The following MPDZ variants were observed in gnomAD, a reference collection of about 807,000 sequenced individuals.
MPDZ encodes the protein multiple PDZ domain crumbs cell polarity complex component, also known as multiple PDZ domain protein.
A neutral mutation model predicts 239.1 loss-of-function variants in MPDZ; 234 were observed. The observed-to-expected ratio is 0.98, with a 90% CI of 0.88 to 1.09. MPDZ has a LOEUF of 1.09. Among genes scored for constraint, MPDZ ranks in the 50% least tolerant of loss-of-function variants. MPDZ has a pLI of 0.00. For synonymous variants in MPDZ, 1,048 were observed against 881.3 expected, an observed-to-expected ratio of 1.19 and a Z score of -3.35; for missense variants, 3,175 against 2,510.0, an observed-to-expected ratio of 1.26 and a Z score of -5.66.
intron 12 of MPDZ, among the ~76,000 whole-genome samples, chr9:13,204,550 A>C (rs891831185): frequency 7.9e-5 from 12 of 152,216 alleles, no homozygotes; most frequent in Non-Finnish European, 1.5e-4. Flanking sequence ...CCACTTCCCA[A>C]TATTAAATCT....
chr9:13,216,926 G>C, intron 9 of MPDZ, 64 bp from the exon 10 acceptor site: 1 of 1,246,258 alleles, frequency 8.0e-7, no homozygotes, highest in Non-Finnish European at 1.1e-6. Context: ...ATCCATCTTC[G>C]ATTCTCCAAC....
At chr9:13,152,842 A>G (rs1406881041) in intron 24 of MPDZ, among the ~76,000 whole-genome samples, 1 of 152,146 alleles carries the variant, frequency 6.6e-6, no homozygotes, top group African/African-American at 2.4e-5. Context: ...AATAGCTGTA[A>G]GCGCTATGAG....
Position 13,192,200 on chromosome 9 carries a change from T to A in MPDZ, c.1899A>T (p.Arg633=), listed in dbSNP as rs764012978. 6.8e-6 allele frequency: 11 copies of A among 1,611,098 alleles called. No homozygotes were observed. In the Admixed American group the frequency reaches 1.5e-4, roughly 22 times the overall value. Residue 633 remains arginine (R), a synonymous_variant, in exon 15 of 47, where the codon CGA becomes CGT. Transcript: ENST00000319217. ...PIEVTMVCCR[R]TVPPTTQSEL... is the part of the protein sequence containing the mutation. ...CTGATTGGGTGGTGGGTGGCACAGT[T>A]CGACGACAGCACACCATTGTCACTT... is the stretch of plus-strand genomic sequence containing the variant.
At chr9:13,212,563 C>T (rs1193489135) in intron 10 of MPDZ, among the ~76,000 whole-genome samples, 3 of 151,548 alleles carry the variant, frequency 2.0e-5, no homozygotes, top group Non-Finnish European at 4.4e-5. Context: ...GCTCTGGTTC[C>T]CCTTTATCAC....
At chr9:13,158,150 G>A in intron 23 of MPDZ, 40 bp from the exon 24 acceptor site, 1 of 1,500,480 alleles carries the variant, frequency 6.7e-7, no homozygotes, top group Middle Eastern at 1.7e-4. Context: ...CAAAATCCTA[G>A]TAAAAACATG....
At chr9:13,202,401 G>T (rs1470176590) in intron 12 of MPDZ, among the ~76,000 whole-genome samples, 1 of 152,122 alleles carries the variant, frequency 6.6e-6, no homozygotes, top group Non-Finnish European at 1.5e-5. Context: ...CTCCATGAGA[G>T]CACCAGGATT....
At chr9:13,247,168 T>C (rs963377150) in intron 3 of MPDZ, among the ~76,000 whole-genome samples, 3 of 152,224 alleles carry the variant, frequency 2.0e-5, no homozygotes, top group Admixed American at 1.3e-4. Flanking sequence ...CTGATGACAA[T>C]GTAATTATTC....
chr9:13,176,928 T>C (rs1003980646), intron 19 of MPDZ, among the ~76,000 whole-genome samples: 1 of 152,128 alleles, frequency 6.6e-6, no homozygotes. Flanking sequence ...TGGAGAAGAA[T>C]AGAAAGTTTT....
chr9:13,186,423 G>C (rs373301365), intron 17 of MPDZ, 37 bp from the exon 18 acceptor site: 290 of 1,354,528 alleles, frequency 2.1e-4, no homozygotes, highest in Non-Finnish European at 2.9e-4. Context: ...AAAAGAGAGA[G>C]AACAGCAAAG....
At chr9:13,200,341 A>C (rs1200857240) in intron 12 of MPDZ, among the ~76,000 whole-genome samples, 1 of 151,960 alleles carries the variant, frequency 6.6e-6, no homozygotes, top group African/African-American at 2.4e-5. Flanking sequence ...TTTTTGGCTT[A>C]CTATGGCGAA....
At chr9:13,196,902 A>G (rs955251916) in intron 12 of MPDZ, among the ~76,000 whole-genome samples, 1 of 151,978 alleles carries the variant, frequency 6.6e-6, no homozygotes, top group African/African-American at 2.4e-5. Flanking sequence ...TCCATATTTC[A>G]TAACAGTTCT....
At chr9:13,255,050 T>C (rs1210470186) in intron 1 of MPDZ, among the ~76,000 whole-genome samples, 4 of 152,244 alleles carry the variant, frequency 2.6e-5, no homozygotes, top group African/African-American at 4.8e-5. Context: ...ATCCTGCTCC[T>C]ACTTTATCAA....
Position 13,168,382 on chromosome 9 carries a change from T to G in MPDZ, c.3238A>C (p.Ile1080Leu), listed in dbSNP as rs1415732742. Residue 1080 changes from isoleucine to leucine, a missense_variant, in exon 22 of 47, where the codon ATT becomes CTT. By Grantham distance (5) the Ile-to-Leu change is conservative (BLOSUM62 2). Transcript: ENST00000319217. ...ARAMLRRHSLIGPDIKITYVP... is the reference protein window; with the variant it reads ...ARAMLRRHSLLGPDIKITYVP... ...GATACTTACTTTATGTCAGGGCCAATGAGAGAATGTCTTCTCAACATAGCT... is the reference window on the plus strand; with the variant it reads ...GATACTTACTTTATGTCAGGGCCAAGGAGAGAATGTCTTCTCAACATAGCT... 6.2e-7 allele frequency: 1 copy of G among 1,612,800 alleles called. No homozygotes were observed. The highest frequency in any genetic ancestry group is 1.3e-5 in the African/African-American group (1 of 75,012).
intron 12 of MPDZ, among the ~76,000 whole-genome samples, chr9:13,201,703 C>G (rs1053686012): frequency 1.4e-4 from 21 of 151,944 alleles, no homozygotes; most frequent in African/African-American, 5.1e-4. Context: ...AAATTTGCTT[C>G]AATCAAAACT....
At chr9:13,218,355 G>T (rs974008273) in intron 8 of MPDZ, among the ~76,000 whole-genome samples, 3 of 151,780 alleles carry the variant, frequency 2.0e-5, no homozygotes, top group Admixed American at 6.6e-5. Flanking sequence ...TTTGACTATC[G>T]AATGGTTTTA....
intron 12 of MPDZ, among the ~76,000 whole-genome samples, chr9:13,202,835 AG>A (rs1289277551): frequency 1.3e-5 from 2 of 152,204 alleles, no homozygotes; most frequent in Non-Finnish European, 2.9e-5. Context: ...CTGTAGGCCC[AG>A]GAAGTTTCTC....
At chr9:13,114,359 T>C (rs1479763052) in intron 40 of MPDZ, among the ~76,000 whole-genome samples, 1 of 152,130 alleles carries the variant, frequency 6.6e-6, no homozygotes, top group Admixed American at 6.5e-5. Flanking sequence ...ACTGTAGAAT[T>C]AGGGCCAGCT....
chr9:13,202,823 T>A (rs984435171), intron 12 of MPDZ, among the ~76,000 whole-genome samples: 2 of 152,214 alleles, frequency 1.3e-5, no homozygotes, highest in African/African-American at 2.4e-5. Flanking sequence ...CTCCTCTCAA[T>A]TCTGTAGGCC....
chr9:13,183,356 G>A (rs1377681816), intron 19 of MPDZ, 62 bp downstream of exon 19: 1 of 1,382,044 alleles, frequency 7.2e-7, no homozygotes, highest in African/African-American at 1.5e-5. Flanking sequence ...CATAAGGACT[G>A]AGCTCTGGAA....
Sources: gnomAD v4.1 joint callset for allele counts (sites outside exome capture counted in the v4.1 genomes callset) on GRCh38, gnomAD v4.1.1 for gene constraint, MANE v1.5 for transcripts, NCBI Gene and HGNC (gene_info 2026-07-23, HGNC 2026-07-21) for gene names.